Variants in ABCC9 observed in about 807,000 individuals in gnomAD.
ABCC9 encodes the protein ATP-binding cassette sub-family C member 9.
In ABCC9, 95 loss-of-function variants were observed where a neutral mutation model predicts 188.3. That is an observed-to-expected ratio of 0.50 (90% CI 0.43 to 0.60). ABCC9 has a LOEUF of 0.60. ABCC9 is among the 20% of genes least tolerant of loss of function. ABCC9 has a pLI of 0.00. For synonymous variants in ABCC9, 659 were observed against 652.7 expected, an observed-to-expected ratio of 1.01 and a Z score of -0.15; for missense variants, 1,102 against 1,876.3, an observed-to-expected ratio of 0.59 and a Z score of 7.62.
At chr12:21,938,054 C>T (rs1415951618) in intron 2 of ABCC9, 1 of 145,250 alleles carries the variant, frequency 6.9e-6, no homozygotes, top group Non-Finnish European at 1.5e-5. Context: ...ATTGATTTAG[C>T]AATGGTCACA....
rs1200978088 is a variant in ABCC9 at position 21,798,609 on chromosome 12, A to C, written c.*2435T>G. 2 of 151,422 alleles carry C rather than the reference A, an allele frequency of 1.3e-5. No homozygotes were observed. The highest frequency in any genetic ancestry group is 1.3e-4 in the Admixed American group (2 of 15,194). 9.4% of individuals were successfully genotyped at this position (151,422 alleles called of 1,614,324 possible). A position where few individuals can be genotyped will look rare whatever the true frequency, so the allele number is the denominator to read the frequency against. Reference sequence around the variant, plus strand: ...TTGCGAAAATTTTCTCCCATGTTGTAGGTTGCCTGTTCACTCTGATGGTAG... The same window carrying C: ...TTGCGAAAATTTTCTCCCATGTTGTCGGTTGCCTGTTCACTCTGATGGTAG... On this transcript the variant is annotated 3_prime_UTR_variant, in exon 40 of 40. Coordinates refer to ENST00000261200, the MANE Select transcript of ABCC9 (RefSeq NM_020297.4).
In ABCC9 at chr12:21,819,238, G is replaced by C. The variant is rs186666637; in HGVS notation, c.3670-987C>G. On this transcript the variant is annotated intron_variant, in intron 31 of 39. Transcript: ENST00000261200. ...CATCCCCAAAGCAGGTAGAATTTCA[G>C]ATATGCTCACTTTCTAGAATTATCT... Among the ~76,000 whole-genome samples the C allele has an allele frequency of 1.5e-4, 23 of 152,204 alleles. No homozygotes were observed. In the East Asian group the frequency reaches 4.4e-3, roughly 29 times the overall value.
chr12:21,807,198 C>T, intron 38 of ABCC9, 148 bp downstream of exon 38: 1 of 1,015,630 alleles, frequency 9.8e-7, no homozygotes, highest in South Asian at 1.4e-5. Flanking sequence ...TCTCAATGTG[C>T]TATCATCAGT....
intron 24 of ABCC9, among the ~76,000 whole-genome samples, chr12:21,850,576 C>T (rs1944911819): frequency 6.6e-6 from 1 of 152,178 alleles, no homozygotes; most frequent in African/African-American, 2.4e-5. Context: ...TATGCTATCT[C>T]AAGTGATCAC....
chr12:21,892,407 A>C (rs1162917675), intron 14 of ABCC9, among the ~76,000 whole-genome samples: 2 of 152,204 alleles, frequency 1.3e-5, no homozygotes, highest in Non-Finnish European at 2.9e-5. Context: ...GTAACCATGA[A>C]AGGGACAGTT....
At chr12:21,865,900 G>A (rs1367466177) in intron 18 of ABCC9, among the ~76,000 whole-genome samples, 1 of 152,082 alleles carries the variant, frequency 6.6e-6, no homozygotes, top group Non-Finnish European at 1.5e-5. Context: ...AAGGGAATAA[G>A]GGCTGAGACA....
intron 7 of ABCC9, among the ~76,000 whole-genome samples, 175 bp from the exon 8 acceptor site, chr12:21,913,241 T>C (rs1948404340): frequency 6.6e-6 from 1 of 152,156 alleles, no homozygotes; most frequent in African/African-American, 2.4e-5. Context: ...TATCCTTGCC[T>C]TCTACGAAAA....
At chr12:21,934,721 T>C (rs1302480033) in intron 3 of ABCC9, among the ~76,000 whole-genome samples, 1 of 152,076 alleles carries the variant, frequency 6.6e-6, no homozygotes, top group Non-Finnish European at 1.5e-5. Flanking sequence ...TTTTGTTCTT[T>C]TTTCTCATTT....
chr12:21,926,977 A>G (rs1241206273), intron 4 of ABCC9, among the ~76,000 whole-genome samples: 2 of 152,226 alleles, frequency 1.3e-5, no homozygotes, highest in South Asian at 2.1e-4. Flanking sequence ...GGTATAGAGA[A>G]GAGAGTGACT....
rs146802020 is a variant in ABCC9 at position 21,847,459 on chromosome 12, GT to G, written c.2866+690del. Among the ~76,000 whole-genome samples the G allele has an allele frequency of 8.1e-3, 1,235 of 151,846 alleles. 17 individuals are homozygous for G. The highest frequency in any genetic ancestry group is 0.029 in the African/African-American group (1,188 of 41,418). ...TTGACTTGAAATGAACATTTTCTCT[GT>G]TTTTTTTAATTGGTTGGTAGAAATG... is the stretch of plus-strand genomic sequence containing the variant. On this transcript the variant is annotated intron_variant, in intron 25 of 39. Transcript: ENST00000261200.
At chr12:21,864,552 G>T in intron 18 of ABCC9, 75 bp from the exon 19 acceptor site, 1 of 1,035,336 alleles carries the variant, frequency 9.7e-7, no homozygotes, top group South Asian at 1.3e-5. Context: ...CGTCAGGTAA[G>T]AGATACAATA....
intron 7 of ABCC9, 37 bp downstream of exon 7, chr12:21,915,631 C>T: frequency 3.1e-6 from 5 of 1,605,376 alleles, no homozygotes; most frequent in Non-Finnish European, 3.4e-6. Flanking sequence ...GGACCATTCT[C>T]TGTAATTAAG....
At chr12:21,891,822 A>T (rs1357765850) in intron 14 of ABCC9, among the ~76,000 whole-genome samples, 1 of 152,196 alleles carries the variant, frequency 6.6e-6, no homozygotes, top group African/African-American at 2.4e-5. Flanking sequence ...CCGATTATAA[A>T]CAGGCTGCTC....
chr12:21,808,920 C>T (rs928414140), intron 37 of ABCC9, among the ~76,000 whole-genome samples: 4 of 152,012 alleles, frequency 2.6e-5, no homozygotes, highest in Non-Finnish European at 4.4e-5. Context: ...GTGGCATACT[C>T]TCTCCTTGGA....
chr12:21,897,122 C>T (rs1283805), intron 12 of ABCC9, among the ~76,000 whole-genome samples: 93,707 of 152,014 alleles, frequency 0.62, 29,130 homozygotes, highest in East Asian at 0.81. Flanking sequence ...TTCTGACTGG[C>T]GTGAGATGGT....
chr12:21,899,300 A>G (rs966348575), intron 12 of ABCC9, among the ~76,000 whole-genome samples: 1 of 152,224 alleles, frequency 6.6e-6, no homozygotes. Flanking sequence ...AGATGTTAAC[A>G]TCACACATAA....
intron 12 of ABCC9, 68 bp downstream of exon 12, chr12:21,906,058 A>G: frequency 6.6e-7 from 1 of 1,504,962 alleles, no homozygotes; most frequent in Non-Finnish European, 9.2e-7. Flanking sequence ...CACAATCTAA[A>G]CTGAATAGAC....
intron 14 of ABCC9, among the ~76,000 whole-genome samples, chr12:21,891,521 T>C (rs1947159160): frequency 6.6e-6 from 1 of 152,130 alleles, no homozygotes; most frequent in African/African-American, 2.4e-5. Flanking sequence ...TTATGAGGTA[T>C]ATACAGGTCT....
chr12:21,927,804 C>CGCTTAAAAA (rs1242342742), intron 4 of ABCC9, among the ~76,000 whole-genome samples: 3 of 152,010 alleles, frequency 2.0e-5, no homozygotes, highest in Admixed American at 2.0e-4. Flanking sequence ...AGTATGGTAG[C>CGCTTAAAAA]GCTTAAAAAC....
Sources: gnomAD v4.1 joint callset for allele counts (sites outside exome capture counted in the v4.1 genomes callset) on GRCh38, gnomAD v4.1.1 for gene constraint, MANE v1.5 for transcripts, NCBI Gene and HGNC (gene_info 2026-07-23, HGNC 2026-07-21) for gene names.